Variants in ERBB4 observed in about 807,000 individuals in gnomAD.
The protein encoded by ERBB4 is receptor tyrosine-protein kinase erbB-4.
A neutral mutation model predicts 158.0 loss-of-function variants in ERBB4; 42 were observed. That is an observed-to-expected ratio of 0.27 (90% CI 0.21 to 0.34). ERBB4 has a LOEUF of 0.34. Ranked by LOEUF, ERBB4 falls within the 10% of genes least tolerant of loss-of-function variation. The pLI is 1.00. For synonymous variants in ERBB4, 583 were observed against 558.7 expected, an observed-to-expected ratio of 1.04 and a Z score of -0.61; for missense variants, 1,333 against 1,624.1, an observed-to-expected ratio of 0.82 and a Z score of 3.08.
chr2:211,706,919 C>G (rs1575021564), intron 9 of ERBB4, among the ~76,000 whole-genome samples: 1 of 151,982 alleles, frequency 6.6e-6, no homozygotes, highest in Admixed American at 6.6e-5. Context: ...AACATGAAGC[C>G]AAAAATGAAG....
In ERBB4 at chr2:211,718,772, T is replaced by C. The variant is rs552435787; in HGVS notation, c.883+3621A>G. Reference sequence around the variant, plus strand: ...TACCACTAACACAGTGAAAAGATAATGTGTTTGGAATAACTAGGTATCAGA... The same window carrying C: ...TACCACTAACACAGTGAAAAGATAACGTGTTTGGAATAACTAGGTATCAGA... On this transcript the variant is annotated intron_variant, in intron 7 of 27. Transcript: ENST00000342788. 2.7e-4 allele frequency among the ~76,000 whole-genome samples: 40 copies of C among 150,558 alleles called. No individual in the cohort carries two copies. The South Asian group carries it at 8.4e-3, about 32-fold the overall frequency.
chr2:212,400,280 A>G (rs1157371032), intron 1 of ERBB4, among the ~76,000 whole-genome samples: 10 of 152,132 alleles, frequency 6.6e-5, no homozygotes, highest in African/African-American at 1.9e-4. Context: ...ACAGGCCAAG[A>G]GGCTACTGCA....
chr2:211,447,326 T>C (rs1421146920), intron 20 of ERBB4, among the ~76,000 whole-genome samples: 1 of 152,050 alleles, frequency 6.6e-6, no homozygotes, highest in Non-Finnish European at 1.5e-5. Flanking sequence ...AATCCATTAT[T>C]AGAAAAACAG....
rs73987227 is a variant in ERBB4, at chr2:212,096,121, T to C, written c.234+28631A>G. On this transcript the variant is annotated intron_variant, in intron 2 of 27. Transcript: ENST00000342788. Reference sequence around the variant, plus strand: ...AACAATGTCATAGTTTGAAAAAACTTTTAATTTATAAAAGGAAAATGAGAG... The same window carrying C: ...AACAATGTCATAGTTTGAAAAAACTCTTAATTTATAAAAGGAAAATGAGAG... Among the ~76,000 whole-genome samples, 3 of 151,872 alleles carry C rather than the reference T, an allele frequency of 2.0e-5. No individual in the cohort carries two copies. The South Asian group carries it at 6.2e-4, about 32-fold the overall frequency.
chr2:212,130,544 T>C (rs1266479357), intron 1 of ERBB4, among the ~76,000 whole-genome samples: 2 of 152,090 alleles, frequency 1.3e-5, no homozygotes, highest in Admixed American at 1.3e-4. Context: ...TAACAATATC[T>C]ATATTAAAAC....
chr2:211,708,663 C>T (rs1053907784), intron 9 of ERBB4, among the ~76,000 whole-genome samples: 3 of 150,242 alleles, frequency 2.0e-5, no homozygotes, highest in Non-Finnish European at 4.4e-5. Flanking sequence ...TCCCTCCTTC[C>T]CTGCACTTCC....
intron 1 of ERBB4, among the ~76,000 whole-genome samples, chr2:212,179,572 G>T (rs1050044283): frequency 1.3e-5 from 2 of 151,542 alleles, no homozygotes; most frequent in Non-Finnish European, 3.0e-5. Context: ...GTGAGAATTA[G>T]AGATCATGTT....
intron 13 of ERBB4, among the ~76,000 whole-genome samples, chr2:211,675,313 T>C (rs1376371794): frequency 2.0e-5 from 3 of 152,222 alleles, no homozygotes; most frequent in African/African-American, 7.2e-5. Context: ...CTCTGGGATC[T>C]AGTTTTTCCA....
chr2:212,086,521 T>A (rs543683582), intron 2 of ERBB4, among the ~76,000 whole-genome samples: 1 of 152,052 alleles, frequency 6.6e-6, no homozygotes, highest in Non-Finnish European at 1.5e-5. Flanking sequence ...TCTTTTTGCC[T>A]TAGCTTCTTT....
intron 1 of ERBB4, among the ~76,000 whole-genome samples, chr2:212,430,365 T>C (rs141240734): frequency 2.0e-4 from 30 of 151,964 alleles, no homozygotes; most frequent in Admixed American, 3.3e-4. Flanking sequence ...AGAAATTCCA[T>C]AAAATGAAAA....
At position 211,904,519 on chromosome 2, in the gene ERBB4, C is replaced by G. The variant is rs573668283; in HGVS notation, c.421+42911G>C. Reference sequence around the variant, plus strand: ...TTTTATAAAATACCATACAGTAGAACTTATCTCAAAGCCATATTACTAGGA... The same window carrying G: ...TTTTATAAAATACCATACAGTAGAAGTTATCTCAAAGCCATATTACTAGGA... On this transcript the variant is annotated intron_variant, in intron 3 of 27. Transcript: ENST00000342788. 1.6e-3 allele frequency among the ~76,000 whole-genome samples: 240 copies of G among 152,088 alleles called. 3 individuals carry two copies. Among genetic ancestry groups the G allele is most frequent in the Admixed American group, 0.015 (226 of 15,238 alleles).
At chr2:211,868,341 A>G (rs1490767851) in intron 3 of ERBB4, among the ~76,000 whole-genome samples, 1 of 152,138 alleles carries the variant, frequency 6.6e-6, no homozygotes, top group Non-Finnish European at 1.5e-5. Flanking sequence ...TCCTTTAACA[A>G]TGCTTCTCTC....
intron 2 of ERBB4, among the ~76,000 whole-genome samples, chr2:212,117,042 CACATACA>C (rs2125553354): frequency 1.3e-5 from 2 of 152,270 alleles, no homozygotes; most frequent in Non-Finnish European, 2.9e-5. Context: ...CGTAAATACA[CACATACA>C]AAATTGCATA....
chr2:212,075,478 G>C (rs900574432), intron 2 of ERBB4, among the ~76,000 whole-genome samples: 2 of 151,916 alleles, frequency 1.3e-5, no homozygotes, highest in African/African-American at 4.8e-5. Context: ...TGGGTCACCT[G>C]AAGTAAACTG....
intron 2 of ERBB4, among the ~76,000 whole-genome samples, chr2:211,972,568 G>A (rs1028111943): frequency 6.6e-5 from 10 of 152,012 alleles, no homozygotes; most frequent in Non-Finnish European, 5.9e-5. Flanking sequence ...TAGACAAATA[G>A]AGAACAGAAT....
At chr2:212,243,661 G>A (rs1241124161) in intron 1 of ERBB4, among the ~76,000 whole-genome samples, 1 of 152,030 alleles carries the variant, frequency 6.6e-6, no homozygotes, top group African/African-American at 2.4e-5. Flanking sequence ...CTAGATTACT[G>A]TAATAGTTGC....
At position 211,562,023 on chromosome 2, in the gene ERBB4, G is replaced by A. The variant is rs1253426767; in HGVS notation, c.2367C>T (p.Ser789=). Residue 789 remains serine (S), a synonymous_variant, in exon 20 of 28, where the codon AGC becomes AGT. Transcript: ENST00000342788. Reference sequence around the variant, plus strand: ...GTTGAGTAACCAGCTGGATGGTTGGGCTCAGACACACACCCAGCAACCGGA... The same window carrying A: ...GTTGAGTAACCAGCTGGATGGTTGGACTCAGACACACACCCAGCAACCGGA... The part of the protein sequence containing the change: ...HLVRLLGVCL[S]PTIQLVTQLM... 3 of 1,614,026 alleles carry A rather than the reference G, an allele frequency of 1.9e-6. No homozygotes were observed. Among genetic ancestry groups the A allele is most frequent in the Non-Finnish European group, 2.5e-6 (3 of 1,179,968 alleles).
At chr2:212,158,019 G>T (rs1490357640) in intron 1 of ERBB4, among the ~76,000 whole-genome samples, 2 of 152,020 alleles carry the variant, frequency 1.3e-5, no homozygotes, top group Non-Finnish European at 2.9e-5. Flanking sequence ...TAATCCTTGG[G>T]ATAAATTAAT....
At position 211,679,182 on chromosome 2, in the gene ERBB4, C is replaced by T. The variant is rs764878032; in HGVS notation, c.1492G>A (p.Ala498Thr). 2 of 1,613,706 alleles carry T rather than the reference C, an allele frequency of 1.2e-6. No individual in the cohort carries two copies. The highest frequency in any genetic ancestry group is 1.7e-6 in the Non-Finnish European group (2 of 1,179,754). ...RDNRKAENCT[A>T]EGMVCNHLCS... Reference sequence around the variant, plus strand: ...AGATGGTTGCACACCATTCCTTCAGCAGCTGTGAAACACCAAAATCAAGGG... The same window carrying T: ...AGATGGTTGCACACCATTCCTTCAGTAGCTGTGAAACACCAAAATCAAGGG... Residue 498 changes from alanine to threonine, a missense_variant and splice_region_variant, in exon 13 of 28, where the codon GCT becomes ACT. Ala to Thr is a moderately conservative substitution (Grantham distance 58). This residue lies in a region of ERBB4 where 245 missense variants were observed against 247.5 expected (regional missense o/e 0.99). Transcript: ENST00000342788.
Sources: allele counts gnomAD v4.1 joint callset (sites outside exome capture counted in the v4.1 genomes callset), GRCh38; gene constraint gnomAD v4.1.1; regional missense constraint gnomAD v4.1.1; transcripts MANE v1.5; gene names NCBI Gene and HGNC (gene_info 2026-07-23, HGNC 2026-07-21).